The following THTPA variants were observed in gnomAD, a reference collection of about 807,000 sequenced individuals.
THTPA encodes the protein thiamine triphosphatase, also known as thiamine-triphosphatase.
A neutral mutation model predicts 16.5 loss-of-function variants in THTPA; 16 were observed. The observed-to-expected ratio is 0.97, with a 90% confidence interval of 0.66 to 1.47. The LOEUF is 1.47. THTPA is among the 40% of genes most tolerant of loss of function. THTPA has a pLI of 0.00. For missense variants in THTPA, 281 were observed against 280.9 expected, an observed-to-expected ratio of 1.00 and a Z score of 0.00; for synonymous variants, 110 against 115.5, an observed-to-expected ratio of 0.95 and a Z score of 0.30.
the THTPA span, chr14:23,526,993 A>C: frequency 1.3e-6 from 2 of 1,488,116 alleles, no homozygotes; most frequent in Non-Finnish European, 1.8e-6. Flanking sequence ...GAAAAAGCCT[A>C]GTGGCTTCAC....
At chr14:23,552,259 T>C (rs1882026263), upstream of THTPA, among the ~76,000 whole-genome samples, 1 of 151,834 alleles carries the variant, frequency 6.6e-6, no homozygotes, top group Non-Finnish European at 1.5e-5. Context: ...CTCCTCATCT[T>C]CAGTTTATCG....
rs1295590955 is a variant in THTPA at position 23,560,031 on chromosome 14, G to A, written c.*1191G>A. 2 of 1,603,472 alleles carry A rather than the reference G, an allele frequency of 1.2e-6. No individual in the cohort carries two copies. Among genetic ancestry groups the A allele is most frequent in the Non-Finnish European group, 1.7e-6 (2 of 1,172,752 alleles). On this transcript the variant is annotated 3_prime_UTR_variant, in exon 2 of 2. Transcript: ENST00000288014. ...CACTGGGGGCCTGCAGCTGCAGCTG[G>A]AGACTCTGAACACAGGAGTTTAACA...
At chr14:23,528,708 C>G in the THTPA span, 2 of 985,392 alleles carry the variant, frequency 2.0e-6, no homozygotes, top group Non-Finnish European at 2.4e-6. Flanking sequence ...TTTCCTTCTT[C>G]TTTTTCCTAA....
the THTPA span, chr14:23,521,805 G>A: frequency 2.3e-6 from 3 of 1,292,936 alleles, no homozygotes; most frequent in Middle Eastern, 2.7e-4. Flanking sequence ...GCTGGAAGTG[G>A]GGTGTGTGGT....
upstream of THTPA, among the ~76,000 whole-genome samples, chr14:23,553,007 G>A (rs542032298): frequency 6.6e-6 from 1 of 152,168 alleles, no homozygotes; most frequent in Non-Finnish European, 1.5e-5. Flanking sequence ...CAAGCATGAG[G>A]TAGATGCTAT....
At chr14:23,523,620 C>T in the THTPA span, 24 of 1,557,746 alleles carry the variant, frequency 1.5e-5, no homozygotes, top group Non-Finnish European at 2.1e-5. The surrounding 1 kb of genome is among the most constrained non-coding windows in gnomAD (Gnocchi z 4.1). Context: ...ACCTGGATGA[C>T]TCTCTTGGGC....
chr14:23,539,884 C>T, the THTPA span, among the ~76,000 whole-genome samples: 1 of 152,224 alleles, frequency 6.6e-6, no homozygotes, highest in Non-Finnish European at 1.5e-5. Context: ...AACAAAACTC[C>T]TTTTTCTCCA....
At chr14:23,540,902 C>A in the THTPA span, among the ~76,000 whole-genome samples, 4 of 151,558 alleles carry the variant, frequency 2.6e-5, no homozygotes, top group Non-Finnish European at 5.9e-5. Flanking sequence ...ACCCCTTTTT[C>A]TTTTTTCTCT....
At chr14:23,525,155 C>T in the THTPA span, 26 of 1,535,990 alleles carry the variant, frequency 1.7e-5, no homozygotes, top group South Asian at 3.6e-5. This position sits in a 1 kb window ranked among gnomAD's most constrained non-coding sequence, Gnocchi z 5.9. Context: ...TCTGGAGAAC[C>T]GGCGGCCGGC....
chr14:23,540,237 C>T, the THTPA span, among the ~76,000 whole-genome samples: 3 of 152,208 alleles, frequency 2.0e-5, no homozygotes, highest in Non-Finnish European at 2.9e-5. Flanking sequence ...GCAATCTGCC[C>T]GCTTTGGCCT....
chr14:23,527,939 C>T, the THTPA span: 1 of 794,476 alleles, frequency 1.3e-6, no homozygotes, highest in East Asian at 2.8e-5. Context: ...TGGAGTCTGG[C>T]TCTGTCACCC....
At chr14:23,519,449 G>C in the THTPA span, among the ~76,000 whole-genome samples, 2 of 152,246 alleles carry the variant, frequency 1.3e-5, no homozygotes, top group East Asian at 1.9e-4. Flanking sequence ...CAACAGGAGA[G>C]AGAAAAGGAC....
chr14:23,532,954 GC>G, the THTPA span: 1 of 1,536,204 alleles, frequency 6.5e-7, no homozygotes, highest in Non-Finnish European at 8.7e-7. Context: ...TGAAGGCCTG[GC>G]ACACTAGGCA....
At chr14:23,532,662 G>A in the THTPA span, 119 of 1,499,366 alleles carry the variant, frequency 7.9e-5, no homozygotes, top group Middle Eastern at 5.1e-4. Flanking sequence ...ATGTTGCAGC[G>A]CAGGTGTAGT....
At chr14:23,520,247 T>C in the THTPA span, among the ~76,000 whole-genome samples, 1 of 151,976 alleles carries the variant, frequency 6.6e-6, no homozygotes, top group Non-Finnish European at 1.5e-5. This position sits in a 1 kb window ranked among gnomAD's most constrained non-coding sequence, Gnocchi z 8.7. Context: ...GGGTCCCGAC[T>C]CCCTTGGGGA....
chr14:23,520,695 C>T, the THTPA span, among the ~76,000 whole-genome samples: 8 of 151,564 alleles, frequency 5.3e-5, no homozygotes, highest in Admixed American at 1.3e-4. The surrounding 1 kb of genome is among the most constrained non-coding windows in gnomAD (Gnocchi z 8.7). Context: ...CAGGGGAGGG[C>T]TGCACCGGCA....
At chr14:23,522,330 A>T in the THTPA span, 4 of 1,532,936 alleles carry the variant, frequency 2.6e-6, no homozygotes, top group Non-Finnish European at 3.5e-6. Context: ...CGGCACAGGT[A>T]GCGATGGGTT....
the THTPA span, among the ~76,000 whole-genome samples, chr14:23,549,314 C>T: frequency 1.3e-5 from 2 of 152,024 alleles, no homozygotes; most frequent in Non-Finnish European, 2.9e-5. Context: ...TTGCACCGAC[C>T]ACCCCTTTCT....
the THTPA span, chr14:23,527,685 C>T: frequency 6.5e-7 from 1 of 1,536,274 alleles, no homozygotes. Flanking sequence ...GCCGGCCCAC[C>T]AGCTGTTCCT....
Sources: gnomAD v4.1 joint callset for allele counts (sites outside exome capture counted in the v4.1 genomes callset) on GRCh38, gnomAD v4.1.1 for gene constraint, Gnocchi (gnomAD v3.1) non-coding constraint, MANE v1.5 for transcripts, NCBI Gene and HGNC (gene_info 2026-07-23, HGNC 2026-07-21) for gene names.